The following OR11A1 variants were observed in gnomAD, a reference collection of about 807,000 sequenced individuals.
The protein encoded by OR11A1 is olfactory receptor 11A1.
For missense variants in OR11A1, 380 were observed against 378.2 expected (o/e 1.00, Z -0.04); for synonymous variants, 158 against 152.2 (o/e 1.04, Z -0.28).
rs1165258633 is a variant in OR11A1, at chr6:29,427,506, G to A, written c.136C>T (p.Leu46=). 2 of 1,612,712 alleles carry A rather than the reference G, an allele frequency of 1.2e-6. No homozygotes were observed. Among genetic ancestry groups the A allele is most frequent in the South Asian group, 1.1e-5 (1 of 91,070 alleles). The part of the protein sequence containing the change: ...VYVFIIIGNM[L]IIVAVVSSQR... ...GAGCTAACCACTGCTACAATAATCA[G>A]CATATTCCCTATGATGATGAAGACA... is the stretch of plus-strand genomic sequence containing the variant. The change falls in exon 5 of 5, where the codon CTG becomes TTG. Residue 46 remains leucine (L), a synonymous_variant. Coordinates refer to ENST00000377149, the MANE Select transcript of OR11A1 (RefSeq NM_001394828.1).
chr6:29,435,671 A>G (rs1429216935), intron 1 of OR11A1, among the ~76,000 whole-genome samples: 1 of 152,246 alleles, frequency 6.6e-6, no homozygotes, highest in African/African-American at 2.4e-5. Flanking sequence ...TTAATACAAA[A>G]GAGATAGTAT....
intron 1 of OR11A1, chr6:29,440,907 G>A (rs759033840): frequency 1.2e-6 from 2 of 1,613,530 alleles, no homozygotes; most frequent in Admixed American, 1.7e-5. Flanking sequence ...AGAGGTCAAA[G>A]CTGCCCTAAA....
At chr6:29,431,391 A>G (rs1783218986) in intron 2 of OR11A1, among the ~76,000 whole-genome samples, 1 of 152,184 alleles carries the variant, frequency 6.6e-6, no homozygotes, top group Non-Finnish European at 1.5e-5. Flanking sequence ...ATAATAAAAC[A>G]TTAAAATATA....
At chr6:29,439,855 A>C in intron 1 of OR11A1, 1 of 618,522 alleles carries the variant, frequency 1.6e-6, no homozygotes, top group Non-Finnish European at 2.8e-6. Context: ...GACTCCAGGC[A>C]AGGCTGCCTA....
At chr6:29,438,377 CTTTTA>C (rs1256840463) in intron 1 of OR11A1, among the ~76,000 whole-genome samples, 1 of 152,060 alleles carries the variant, frequency 6.6e-6, no homozygotes, top group African/African-American at 2.4e-5. Flanking sequence ...GTTTATTTCT[CTTTTA>C]TATTATTAGT....
At chr6:29,444,463 T>G (rs1784520033) in intron 1 of OR11A1, among the ~76,000 whole-genome samples, 1 of 152,226 alleles carries the variant, frequency 6.6e-6, no homozygotes, top group Non-Finnish European at 1.5e-5. Context: ...AGCAAACTCT[T>G]TGCATCATCT....
intron 1 of OR11A1, among the ~76,000 whole-genome samples, chr6:29,456,069 A>C: frequency 6.6e-6 from 1 of 151,682 alleles, no homozygotes. Flanking sequence ...GTCTCTACTA[A>C]ATATACAATA....
chr6:29,451,708 T>A (rs1785402555), intron 1 of OR11A1, among the ~76,000 whole-genome samples: 1 of 152,164 alleles, frequency 6.6e-6, no homozygotes, highest in Admixed American at 6.5e-5. Context: ...AAAAAAGGAA[T>A]GCTTACACAC....
intron 1 of OR11A1, among the ~76,000 whole-genome samples, chr6:29,436,788 C>T (rs939001541): frequency 1.3e-5 from 2 of 152,218 alleles, no homozygotes; most frequent in African/African-American, 4.8e-5. Context: ...AAACCCTGGC[C>T]TAGTTCAGTG....
At chr6:29,439,165 C>T (rs1783886093) in intron 1 of OR11A1, 1 of 152,184 alleles carries the variant, frequency 6.6e-6, no homozygotes, top group Non-Finnish European at 1.5e-5. Context: ...AATCTGGCAT[C>T]TGGGAATATT....
intron 1 of OR11A1, among the ~76,000 whole-genome samples, chr6:29,432,795 A>G (rs768724834): frequency 7.9e-5 from 12 of 151,914 alleles, no homozygotes; most frequent in Non-Finnish European, 1.8e-4. Context: ...CTTCTGTGTC[A>G]TTTATCAAAC....
intron 1 of OR11A1, chr6:29,440,261 C>T: frequency 6.2e-7 from 1 of 1,614,062 alleles, no homozygotes. Flanking sequence ...TGCTACTTCA[C>T]CACCTCCTTA....
intron 1 of OR11A1, among the ~76,000 whole-genome samples, chr6:29,442,399 A>G (rs1005443703): frequency 3.9e-5 from 6 of 152,248 alleles, no homozygotes; most frequent in Non-Finnish European, 8.8e-5. Context: ...TCCAAGAGGC[A>G]AGTATTTATT....
At chr6:29,438,347 C>T (rs1783808475) in intron 1 of OR11A1, among the ~76,000 whole-genome samples, 1 of 152,024 alleles carries the variant, frequency 6.6e-6, no homozygotes, top group African/African-American at 2.4e-5. Flanking sequence ...ACATTTAGCA[C>T]CTCAATTAGG....
intron 1 of OR11A1, chr6:29,440,112 A>C: frequency 6.2e-7 from 1 of 1,613,110 alleles, no homozygotes; most frequent in Non-Finnish European, 8.5e-7. Context: ...CTTTCTCACT[A>C]TCTACCTGCT....
At chr6:29,442,426 A>G (rs374071464) in intron 1 of OR11A1, among the ~76,000 whole-genome samples, 22 of 152,366 alleles carry the variant, frequency 1.4e-4, no homozygotes, top group African/African-American at 4.6e-4. Flanking sequence ...TAAAAGTGCA[A>G]TCTACATACT....
rs1019847742 is a variant in OR11A1, at chr6:29,427,252, T to G, written c.390A>C (p.Pro130=). 4 of 1,612,222 alleles carry G rather than the reference T, an allele frequency of 2.5e-6. No homozygotes were observed. Among genetic ancestry groups the G allele is most frequent in the Non-Finnish European group, 3.4e-6 (4 of 1,179,856 alleles). ...AYDRYLAICY[P]LHYPLLMGPR... is the part of the protein sequence containing the mutation. ...GCCCCATCAGGAGTGGGTAGTGGAG[T>G]GGGTAGCAAATTGCCAGGTAGCGGT... Residue 130 remains proline, a synonymous_variant, in exon 5 of 5, where the codon CCA becomes CCC. Transcript: ENST00000377149.
Position 29,426,633 on chromosome 6 carries a change from T to C in OR11A1, c.*61A>G. ...GACAAAGTTACTCCTCTCCAACCCATCCTGGAAGAGTCCCCAGTGGAGGTG... is the reference window on the plus strand; with the variant it reads ...GACAAAGTTACTCCTCTCCAACCCACCCTGGAAGAGTCCCCAGTGGAGGTG... On this transcript the variant is annotated 3_prime_UTR_variant, in exon 5 of 5. Coordinates refer to ENST00000377149, the MANE Select transcript of OR11A1 (RefSeq NM_001394828.1). The C allele has an allele frequency of 2.2e-5, 29 of 1,338,782 alleles. No homozygotes were observed. The highest frequency in any genetic ancestry group is 2.9e-5 in the Non-Finnish European group (28 of 966,162). The allele number at this position is 1,338,782 out of a possible 1,614,324, so 82.9% of individuals were successfully genotyped here.
intron 1 of OR11A1, among the ~76,000 whole-genome samples, chr6:29,454,833 T>C (rs537604114): frequency 4.0e-4 from 61 of 152,262 alleles, no homozygotes; most frequent in African/African-American, 1.3e-3. Context: ...CAAATGGTAC[T>C]GGAGGAACCA....
Sources: gnomAD v4.1 joint callset for allele counts (sites outside exome capture counted in the v4.1 genomes callset) on GRCh38, gnomAD v4.1.1 for gene constraint, MANE v1.5 for transcripts, NCBI Gene and HGNC (gene_info 2026-07-23, HGNC 2026-07-21) for gene names.